FNBP1: variants seen among roughly 807,000 people sequenced by gnomAD.
FNBP1 encodes formin binding protein 1.
Under a neutral mutation model 90.6 loss-of-function variants are expected in FNBP1, and 26 were observed. The observed-to-expected ratio is 0.29, with a 90% CI of 0.21 to 0.40. FNBP1 has a LOEUF of 0.40. Ranked by LOEUF, FNBP1 falls within the 10% of genes least tolerant of loss-of-function variation. The pLI, the probability that FNBP1 is intolerant of heterozygous loss-of-function variation, is 1.00. For synonymous variants in FNBP1, 260 were observed against 265.2 expected, an observed-to-expected ratio of 0.98 and a Z score of 0.19; for missense variants, 635 against 768.0, an observed-to-expected ratio of 0.83 and a Z score of 2.05.
intron 1 of FNBP1, among the ~76,000 whole-genome samples, chr9:130,023,822 T>G (rs1421493169): frequency 6.6e-6 from 1 of 152,200 alleles, no homozygotes; most frequent in Non-Finnish European, 1.5e-5. Context: ...TCCATCCACG[T>G]GAGTGTATCC....
chr9:129,895,520 C>CTT, intron 16 of FNBP1: 1 of 1,191,692 alleles, frequency 8.4e-7, no homozygotes, highest in Non-Finnish European at 1.0e-6. Flanking sequence ...TACAATGCAA[C>CTT]TTTTTTTTTA....
At chr9:130,002,667 G>T (rs1011735853) in intron 1 of FNBP1, among the ~76,000 whole-genome samples, 3 of 152,104 alleles carry the variant, frequency 2.0e-5, no homozygotes, top group Non-Finnish European at 2.9e-5. Flanking sequence ...GCCAAACAAA[G>T]ATTTTTTTCT....
rs1216398298 is a variant in FNBP1, at chr9:129,893,612, C to CAAAAAAAAAAAAAAAAAAAA, written c.1846+2206_1846+2225dup. ...TAGGTGACAGAGTGAGACTCTGTCT[C>CAAAAAAAAAAAAAAAAAAAA]AAAAAAAAAAAAAAAAAAAAAAAAA... On this transcript the variant is annotated intron_variant, in intron 16 of 16. Transcript: ENST00000446176. 9.0e-5 allele frequency among the ~76,000 whole-genome samples: 2 copies of CAAAAAAAAAAAAAAAAAAAA among 22,314 alleles called. 1 individual carries two copies. Among genetic ancestry groups the CAAAAAAAAAAAAAAAAAAAA allele is most frequent in the Non-Finnish European group, 1.6e-4 (2 of 12,398 alleles). The allele number at this position is 22,314 out of a possible 152,430, so 14.6% of individuals were successfully genotyped here.
intron 2 of FNBP1, among the ~76,000 whole-genome samples, chr9:129,993,258 T>G (rs1409344260): frequency 1.3e-5 from 2 of 149,656 alleles, no homozygotes; most frequent in Non-Finnish European, 3.0e-5. Flanking sequence ...AAAAGGAAAG[T>G]AAATGTTTCT....
intron 6 of FNBP1, among the ~76,000 whole-genome samples, chr9:129,936,126 C>T (rs934745725): frequency 6.6e-6 from 1 of 152,140 alleles, no homozygotes; most frequent in Admixed American, 6.5e-5. Context: ...TAAATGCCCA[C>T]CTTTTGTCAC....
intron 6 of FNBP1, among the ~76,000 whole-genome samples, chr9:129,932,040 G>A (rs556537238): frequency 2.6e-5 from 4 of 151,622 alleles, no homozygotes; most frequent in East Asian, 2.0e-4. Context: ...GTGAAACCCC[G>A]TCTCTACTAA....
chr9:129,953,935 T>G (rs777857513), intron 6 of FNBP1, among the ~76,000 whole-genome samples: 30 of 151,890 alleles, frequency 2.0e-4, no homozygotes, highest in Admixed American at 9.8e-4. Flanking sequence ...CTGGGCACAG[T>G]GGTTCATGCC....
intron 6 of FNBP1, among the ~76,000 whole-genome samples, chr9:129,935,233 G>A (rs2043252069): frequency 6.7e-6 from 1 of 149,528 alleles, no homozygotes; most frequent in Non-Finnish European, 1.5e-5. Flanking sequence ...AGGCGACCCT[G>A]CCACCTGAGC....
chr9:129,982,327 T>C (rs1299346991), intron 2 of FNBP1, among the ~76,000 whole-genome samples: 2 of 152,050 alleles, frequency 1.3e-5, no homozygotes, highest in South Asian at 2.1e-4. Flanking sequence ...AAAAATTAGC[T>C]GGGCATGGTG....
At chr9:130,050,822 TTTG>T in the FNBP1 span, among the ~76,000 whole-genome samples, 1 of 29,240 alleles carries the variant, frequency 3.4e-5, no homozygotes, top group East Asian at 3.7e-3. Context: ...GTGTTTTTTT[TTTG>T]TTTTTTTGTT....
At chr9:129,973,823 T>C (rs574206801) in intron 4 of FNBP1, among the ~76,000 whole-genome samples, 1 of 149,286 alleles carries the variant, frequency 6.7e-6, no homozygotes, top group African/African-American at 2.5e-5. Context: ...TTTTCTTTTT[T>C]TTTTTGAGAC....
rs957393634 is a variant in FNBP1, at chr9:129,888,161, G to A, written c.*2378C>T. On this transcript the variant is annotated 3_prime_UTR_variant, in exon 17 of 17. Coordinates refer to ENST00000446176, the MANE Select transcript of FNBP1 (RefSeq NM_015033.3). ...AAGCATATCCTATACTGGGGGTGACGGTCATTCAAAGAGCAAATTACTGCA... is the reference window on the plus strand; with the variant it reads ...AAGCATATCCTATACTGGGGGTGACAGTCATTCAAAGAGCAAATTACTGCA... 2.6e-5 allele frequency: 6 copies of A among 232,702 alleles called. No homozygotes were observed. Among genetic ancestry groups the A allele is most frequent in the East Asian group, 1.2e-4 (2 of 16,518 alleles). 14.4% of individuals were successfully genotyped at this position (232,702 alleles called of 1,614,324 possible). A position where few individuals can be genotyped will look rare whatever the true frequency, so the allele number is the denominator to read the frequency against.
intron 8 of FNBP1, 93 bp downstream of exon 8, chr9:129,927,102 T>C (rs928495176): frequency 1.6e-6 from 2 of 1,273,326 alleles, no homozygotes; most frequent in African/African-American, 1.5e-5. Context: ...CCATCCACCA[T>C]GAGATGATGA....
At chr9:129,939,143 C>T (rs1286327599) in intron 6 of FNBP1, among the ~76,000 whole-genome samples, 2 of 152,112 alleles carry the variant, frequency 1.3e-5, no homozygotes, top group Non-Finnish European at 1.5e-5. Flanking sequence ...AATCCCAGCA[C>T]TTTGGGAGGC....
At chr9:130,045,359 C>G (rs2060054895), upstream of FNBP1, among the ~76,000 whole-genome samples, 1 of 152,164 alleles carries the variant, frequency 6.6e-6, no homozygotes, top group African/African-American at 2.4e-5. Context: ...AAGACATTGC[C>G]TCAGTAATCA....
intron 1 of FNBP1, among the ~76,000 whole-genome samples, chr9:130,022,459 G>A (rs186623924): frequency 4.5e-4 from 69 of 152,240 alleles, no homozygotes; most frequent in African/African-American, 1.5e-3. Context: ...CACCCACCTC[G>A]GCCTTCCGAA....
Position 129,887,381 on chromosome 9 carries a change from A to G in FNBP1, c.*3158T>C, listed in dbSNP as rs1180162845. 1 of 202,004 alleles carries G rather than the reference A, an allele frequency of 5.0e-6. No individual in the cohort carries two copies. The highest frequency in any genetic ancestry group is 1.0e-5 in the Non-Finnish European group (1 of 98,012). 12.5% of individuals were successfully genotyped at this position (202,004 alleles called of 1,614,324 possible). On this transcript the variant is annotated 3_prime_UTR_variant, in exon 17 of 17. Coordinates refer to ENST00000446176, the MANE Select transcript of FNBP1 (RefSeq NM_015033.3). ...TAGAATTAGTGCAACACACATACGA[A>G]CATTTTAAAGGTGCTCAACATCAGG...
intron 1 of FNBP1, among the ~76,000 whole-genome samples, chr9:129,998,835 G>A (rs747452149): frequency 1.5e-4 from 23 of 152,152 alleles, no homozygotes; most frequent in Non-Finnish European, 4.4e-5. Context: ...TTTCCATAAA[G>A]TTATCTCTAT....
intron 1 of FNBP1, among the ~76,000 whole-genome samples, chr9:130,015,687 G>A (rs1227239375): frequency 1.3e-5 from 2 of 152,104 alleles, no homozygotes; most frequent in Non-Finnish European, 1.5e-5. Flanking sequence ...GTTTTGTTTT[G>A]TTTTGGAGAT....
Sources: gnomAD v4.1 joint callset for allele counts (sites outside exome capture counted in the v4.1 genomes callset) on GRCh38, gnomAD v4.1.1 for gene constraint, MANE v1.5 for transcripts, NCBI Gene and HGNC (gene_info 2026-07-23, HGNC 2026-07-21) for gene names.